The following DEPDC5 variants were observed in gnomAD, a reference collection of about 807,000 sequenced individuals.
The protein encoded by DEPDC5 is GATOR1 complex protein DEPDC5.
In DEPDC5, 73 loss-of-function variants were observed where a neutral mutation model predicts 217.3. That is an observed-to-expected ratio of 0.34 (90% CI 0.28 to 0.41). The LOEUF (loss-of-function observed/expected upper bound fraction) is 0.41, where lower values mean the gene tolerates loss of function less well. Ranked by LOEUF, DEPDC5 falls within the 10% of genes least tolerant of loss-of-function variation. The pLI, the probability that DEPDC5 is intolerant of heterozygous loss-of-function variation, is 1.00. For synonymous variants in DEPDC5, 733 were observed against 756.7 expected, an observed-to-expected ratio of 0.97 and a Z score of 0.51; for missense variants, 1,675 against 2,070.1, an observed-to-expected ratio of 0.81 and a Z score of 3.70.
At position 31,906,371 on chromosome 22, in the gene DEPDC5, C is replaced by T; in HGVS notation, c.4686C>T (p.Ala1562=). 6.2e-7 allele frequency: 1 copy of T among 1,614,108 alleles called. No individual in the cohort carries two copies. The highest frequency in any genetic ancestry group is 8.5e-7 in the Non-Finnish European group (1 of 1,180,002). Residue 1562 remains alanine (A), a synonymous_variant, in exon 43 of 43, where the codon GCC becomes GCT. Coordinates refer to ENST00000651528, the MANE Select transcript of DEPDC5 (RefSeq NM_001242896.3). This position sits in a 1 kb window ranked among gnomAD's most constrained non-coding sequence, Gnocchi z 5.1. ...TCACCAAAACATGGCGCTCCAGCGC[C>T]ACAGGGGATGAAAAGTTTGCTGATC... ...TMLTKTWRSS[A]TGDEKFADRL... is the part of the protein sequence containing the mutation.
Position 31,833,980 on chromosome 22 carries a change from A to C in DEPDC5, c.2170A>C (p.Ile724Leu). 6.2e-7 allele frequency: 1 copy of C among 1,613,660 alleles called. No homozygotes were observed. Among genetic ancestry groups the C allele is most frequent in the South Asian group, 1.1e-5 (1 of 91,064 alleles). ...EDSVSTSPDP[I>L]LTLSAPPVVP... ...CAGTGTTTCTACCTCTCCAGACCCA[A>C]GTAAGAGGGGGCAGCTGACTGGGGA... Residue 724 changes from isoleucine to leucine, a missense_variant and splice_region_variant, in exon 25 of 43, where the codon ATT becomes CTT. This residue lies in a region of DEPDC5 where 136 missense variants were observed against 132.2 expected (regional missense o/e 1.03). Coordinates refer to ENST00000651528, the MANE Select transcript of DEPDC5 (RefSeq NM_001242896.3).
intron 16 of DEPDC5, 148 bp from the exon 17 acceptor site, chr22:31,804,694 C>A: frequency 1.4e-6 from 1 of 716,832 alleles, no homozygotes; most frequent in Non-Finnish European, 2.3e-6. Flanking sequence ...CCCGCCTTGG[C>A]CTCCCAAATT....
chr22:31,788,264 ATTTTTTTTTTTTT>A (rs75378797), intron 10 of DEPDC5, among the ~76,000 whole-genome samples: 1 of 90,702 alleles, frequency 1.1e-5, no homozygotes, highest in South Asian at 3.4e-4. Context: ...GGATGACTGT[ATTTTTTTTTTTTT>A]TTTTTTTTTT....
rs16989537 is a variant in DEPDC5 at position 31,837,042 on chromosome 22, C to G, written c.2241C>G (p.Leu747=). The part of the protein sequence containing the change: ...CCTVGVDWKS[L]TTPACLPLTT... ...CAGTTGGAGTGGACTGGAAGTCTCTCACTACTCCGGCGTGCCTCCCCCTTA... is the reference window on the plus strand; with the variant it reads ...CAGTTGGAGTGGACTGGAAGTCTCTGACTACTCCGGCGTGCCTCCCCCTTA... Residue 747 remains leucine, a synonymous_variant, in exon 26 of 43, where the codon CTC becomes CTG. Coordinates refer to ENST00000651528, the MANE Select transcript of DEPDC5 (RefSeq NM_001242896.3). 6.2e-3 allele frequency: 9,944 copies of G among 1,614,154 alleles called. 261 individuals carry two copies. The African/African-American group carries it at 0.075, about 12-fold the overall frequency.
intron 41 of DEPDC5, among the ~76,000 whole-genome samples, chr22:31,902,974 C>G (rs2093676810): frequency 6.6e-6 from 1 of 151,966 alleles, no homozygotes; most frequent in Admixed American, 6.6e-5. Flanking sequence ...TTCACTGCAT[C>G]CTCCTCCTGA....
chr22:31,822,775 A>G lies in DEPDC5; in HGVS notation c.2089A>G (p.Ser697Gly). Residue 697 changes from serine (S) to glycine (G), a missense_variant, in exon 24 of 43, where the codon AGC becomes GGC. Around this residue, in one of 11 missense-constraint regions of DEPDC5, gnomAD observed 136 missense variants for 132.2 expected, o/e 1.03. Transcript: ENST00000651528. ...AGAGGAGCTTTCTGTCGGCCTGCTT[A>G]GCAACAGTGGTGCAGGTAACCAATC... ...GTEELSVGLL[S>G]NSGAGMNPRT... The G allele has an allele frequency of 6.2e-7, 1 of 1,614,026 alleles. No homozygotes were observed. Among genetic ancestry groups the G allele is most frequent in the Non-Finnish European group, 8.5e-7 (1 of 1,179,966 alleles).
chr22:31,837,993 G>C (rs985073814), intron 26 of DEPDC5, among the ~76,000 whole-genome samples: 1 of 152,150 alleles, frequency 6.6e-6, no homozygotes, highest in Non-Finnish European at 1.5e-5. Context: ...GTGAGCTGCT[G>C]CACTGGCTGT....
chr22:31,779,889 A>G (rs1476176466), intron 8 of DEPDC5, among the ~76,000 whole-genome samples: 1 of 152,174 alleles, frequency 6.6e-6, no homozygotes, highest in Non-Finnish European at 1.5e-5. Flanking sequence ...GAGGAAGGGA[A>G]GAGAGACAAG....
At chr22:31,765,705 CA>C (rs559513715) in intron 5 of DEPDC5, among the ~76,000 whole-genome samples, 137 of 152,312 alleles carry the variant, frequency 9.0e-4, no homozygotes, top group African/African-American at 3.1e-3. Context: ...GCCTGGGCAA[CA>C]GAACAAGACC....
chr22:31,892,669 G>A (rs1295644298), intron 38 of DEPDC5, among the ~76,000 whole-genome samples: 2 of 152,126 alleles, frequency 1.3e-5, no homozygotes, highest in Non-Finnish European at 2.9e-5. Context: ...GGGTGACATA[G>A]TGAGACTCCA....
intron 15 of DEPDC5, 146 bp downstream of exon 15, chr22:31,802,984 C>A: frequency 8.8e-7 from 1 of 1,131,208 alleles, no homozygotes; most frequent in Non-Finnish European, 1.2e-6. Context: ...CAATAGGTGT[C>A]AGGTGCTAAA....
chr22:31,893,464 C>A, intron 38 of DEPDC5, 118 bp from the exon 39 acceptor site: 4 of 980,570 alleles, frequency 4.1e-6, no homozygotes, highest in South Asian at 3.2e-5. Context: ...CTTCTGGAAT[C>A]TGCAGTTTTC....
chr22:31,836,811 T>C, intron 25 of DEPDC5, 161 bp from the exon 26 acceptor site: 1 of 637,288 alleles, frequency 1.6e-6, no homozygotes, highest in Non-Finnish European at 2.7e-6. Context: ...TTCTCTCTCT[T>C]TCTCCCTCCC....
intron 18 of DEPDC5, among the ~76,000 whole-genome samples, chr22:31,809,315 T>C (rs536958211): frequency 6.6e-6 from 1 of 152,262 alleles, no homozygotes; most frequent in Middle Eastern, 3.4e-3. Flanking sequence ...TGGTCTTGAA[T>C]TTTGGCTCTG....
chr22:31,882,734 ATTCT>A (rs2093209036), intron 38 of DEPDC5, among the ~76,000 whole-genome samples: 1 of 151,952 alleles, frequency 6.6e-6, no homozygotes, highest in African/African-American at 2.4e-5. Flanking sequence ...TCATTTGTTC[ATTCT>A]TTCTCTTTTT....
intron 6 of DEPDC5, among the ~76,000 whole-genome samples, chr22:31,768,303 T>G (rs536217633): frequency 6.6e-6 from 1 of 151,140 alleles, no homozygotes; most frequent in African/African-American, 2.4e-5. Context: ...TCATTTGAGG[T>G]TTTTTTTTCC....
intron 21 of DEPDC5, among the ~76,000 whole-genome samples, chr22:31,817,649 C>T (rs893179730): frequency 2.0e-5 from 3 of 151,634 alleles, no homozygotes; most frequent in South Asian, 2.1e-4. Flanking sequence ...CCACCACACC[C>T]GGCTAGTTTT....
chr22:31,896,516 G>A (rs1462480200), intron 39 of DEPDC5, among the ~76,000 whole-genome samples: 4 of 147,830 alleles, frequency 2.7e-5, no homozygotes, highest in South Asian at 2.1e-4. Context: ...GAACCACATC[G>A]ATCAACCTTT....
At chr22:31,817,094 ATATTTCTT>A (rs1280927130) in intron 21 of DEPDC5, 3 of 157,286 alleles carry the variant, frequency 1.9e-5, no homozygotes, top group African/African-American at 4.9e-5. Context: ...GTAAAGTGAC[ATATTTCTT>A]TCTTTCTTTC....
Sources: gnomAD v4.1 joint callset for allele counts (sites outside exome capture counted in the v4.1 genomes callset) on GRCh38, gnomAD v4.1.1 for gene constraint, gnomAD v4.1.1 regional missense constraint, Gnocchi (gnomAD v3.1) non-coding constraint, MANE v1.5 for transcripts, NCBI Gene and HGNC (gene_info 2026-07-23, HGNC 2026-07-21) for gene names.